DNM1L: variants seen among roughly 807,000 people sequenced by gnomAD.
DNM1L encodes the protein dynamin 1L, also known as dynamin-1-like protein.
In DNM1L, 33 loss-of-function variants were observed where a neutral mutation model predicts 92.8. The ratio of observed to expected loss-of-function variants is 0.36; its 90% CI spans 0.27 to 0.48. The LOEUF (loss-of-function observed/expected upper bound fraction) is 0.48, where lower values mean the gene tolerates loss of function less well. Among genes scored for constraint, DNM1L ranks in the 20% least tolerant of loss-of-function variants. The pLI is 0.99. For missense variants in DNM1L, 485 were observed against 888.8 expected (o/e 0.55, Z 5.78); for synonymous variants, 284 against 305.0 (o/e 0.93, Z 0.72).
intron 6 of DNM1L, among the ~76,000 whole-genome samples, chr12:32,717,406 A>AATATATATTTTAAATATATACT (rs1236381319): frequency 3.2e-4 from 23 of 71,572 alleles, no homozygotes; most frequent in Non-Finnish European, 4.8e-4. Context: ...TATAATATAT[A>AATATATATTTTAAATATATACT]ATATATATTT....
chr12:32,737,229 C>T (rs373389529), intron 14 of DNM1L, 68 bp downstream of exon 14: 1 of 1,526,552 alleles, frequency 6.6e-7, no homozygotes. Flanking sequence ...GAATATTACT[C>T]AGTCCTAGGA....
At position 32,731,799 on chromosome 12, in the gene DNM1L, G is replaced by T; in HGVS notation, c.1357-55G>T. 1.6e-6 allele frequency: 2 copies of T among 1,289,508 alleles called. No individual in the cohort carries two copies. The highest frequency in any genetic ancestry group is 2.5e-5 in the South Asian group (2 of 81,004). 79.9% of individuals were successfully genotyped at this position (1,289,508 alleles called of 1,614,324 possible). A position where few individuals can be genotyped will look rare whatever the true frequency, so the allele number is the denominator to read the frequency against. ...TGGGAGGATGGCTTAGTGAGACTAT[G>T]ACTTAAAAAAAAAACAAAAAACAAA... On this transcript the variant is annotated intron_variant, in intron 11 of 19. Transcript: ENST00000549701. The surrounding 1 kb of genome is among the most constrained non-coding windows in gnomAD (Gnocchi z 5.1).
At chr12:32,740,964 T>C (rs1219752888) in intron 18 of DNM1L, among the ~76,000 whole-genome samples, 2 of 152,344 alleles carry the variant, frequency 1.3e-5, no homozygotes, top group East Asian at 3.9e-4. Context: ...TACTGCATCT[T>C]CTCCTTCATG....
intron 4 of DNM1L, among the ~76,000 whole-genome samples, chr12:32,710,178 C>T (rs1953072481): frequency 6.6e-6 from 1 of 152,160 alleles, no homozygotes; most frequent in South Asian, 2.1e-4. Flanking sequence ...ATACACGTTA[C>T]CTCTCACTAT....
intron 1 of DNM1L, among the ~76,000 whole-genome samples, chr12:32,683,374 A>T (rs1041687019): frequency 6.7e-6 from 1 of 149,686 alleles, no homozygotes. Context: ...ACAGGCACGC[A>T]TCTGGCTAAT....
intron 7 of DNM1L, among the ~76,000 whole-genome samples, 189 bp downstream of exon 7, chr12:32,718,952 G>T (rs983363538): frequency 1.8e-4 from 26 of 146,628 alleles, no homozygotes; most frequent in African/African-American, 3.9e-4. Context: ...AAAAGAGAGA[G>T]AATTTTTTTT....
In DNM1L at chr12:32,740,414, T is replaced by C. The variant is rs1296829920; in HGVS notation, c.1890T>C (p.Val630=). 1.2e-6 allele frequency: 2 copies of C among 1,613,818 alleles called. No individual in the cohort carries two copies. The highest frequency in any genetic ancestry group is 2.7e-5 in the African/African-American group (2 of 74,936). The change falls in exon 18 of 20, where the codon GTT becomes GTC. Residue 630 remains valine (V), a synonymous_variant. Coordinates refer to ENST00000549701, the MANE Select transcript of DNM1L (RefSeq NM_012062.5). Reference sequence around the variant, plus strand: ...TCCCCCTCATCCCTATTTAGCCAGTTCCTGTTGCACGAAAACTATCTGCTC... The same window carrying C: ...TCCCCCTCATCCCTATTTAGCCAGTCCCTGTTGCACGAAAACTATCTGCTC... ...GHAVNLLDVP[V]PVARKLSARE... is the part of the protein sequence containing the mutation.
At chr12:32,712,567 T>C (rs1288810395) in intron 5 of DNM1L, among the ~76,000 whole-genome samples, 1 of 147,952 alleles carries the variant, frequency 6.8e-6, no homozygotes, top group Non-Finnish European at 1.5e-5. Flanking sequence ...GGAGGATCAT[T>C]TGAGCCCAGG....
At chr12:32,715,997 TA>T (rs1180365772) in intron 6 of DNM1L, among the ~76,000 whole-genome samples, 2 of 152,190 alleles carry the variant, frequency 1.3e-5, no homozygotes, top group Non-Finnish European at 2.9e-5. Flanking sequence ...ACAACTCACA[TA>T]TTCCTCAGAT....
intron 18 of DNM1L, among the ~76,000 whole-genome samples, chr12:32,741,487 G>A (rs1955287557): frequency 6.6e-6 from 1 of 152,178 alleles, no homozygotes; most frequent in Non-Finnish European, 1.5e-5. Flanking sequence ...GTTTCACCAT[G>A]TTGGCCAGGC....
chr12:32,679,316 A>G lies in DNM1L; in HGVS notation c.-48A>G, dbSNP rs374414603. On this transcript the variant is annotated 5_prime_UTR_variant, in exon 1 of 20. Transcript: ENST00000549701. ...GAGGCGAACTGTGGGCCCCGGCCCC[A>G]TTCATTGCCGTGGCCGGCGGGCACT... 18 of 1,332,478 alleles carry G rather than the reference A, an allele frequency of 1.4e-5. No homozygotes were observed. In the African/African-American group the frequency reaches 1.6e-4, roughly 12 times the overall value. The allele number at this position is 1,332,478 out of a possible 1,614,324, so 82.5% of individuals were successfully genotyped here. A position where few individuals can be genotyped will look rare whatever the true frequency, so the allele number is the denominator to read the frequency against.
intron 5 of DNM1L, among the ~76,000 whole-genome samples, 180 bp from the exon 6 acceptor site, chr12:32,713,029 C>T (rs1405515530): frequency 2.0e-5 from 3 of 152,186 alleles, no homozygotes; most frequent in Admixed American, 1.3e-4. Context: ...GCAAGAGTTA[C>T]ACTTTGAGAC....
chr12:32,736,843 G>A (rs1186619693), intron 13 of DNM1L: 1 of 435,772 alleles, frequency 2.3e-6, no homozygotes, highest in African/African-American at 2.0e-5. Context: ...CCCCTCATTT[G>A]AGAATCCCCA....
At chr12:32,679,765 A>G (rs1354227601) in intron 1 of DNM1L, 2 of 1,082,652 alleles carry the variant, frequency 1.8e-6, no homozygotes, top group African/African-American at 3.3e-5. Flanking sequence ...CGGCGGGCGG[A>G]ACTGGAGTCC....
At chr12:32,738,024 A>G (rs1592682094) in intron 15 of DNM1L, 82 bp downstream of exon 15, 1 of 1,440,548 alleles carries the variant, frequency 6.9e-7, no homozygotes, top group East Asian at 2.3e-5. Context: ...CACTGAATAG[A>G]AGAATATTAA....
intron 6 of DNM1L, among the ~76,000 whole-genome samples, chr12:32,718,078 T>C (rs2137419936): frequency 7.3e-6 from 1 of 136,550 alleles, no homozygotes; most frequent in Non-Finnish European, 1.5e-5. Flanking sequence ...ATATATACTA[T>C]ACATATTTTA....
chr12:32,722,589 T>C lies in DNM1L; in HGVS notation c.1035T>C (p.Cys345=), dbSNP rs1381184058. Residue 345 remains cysteine, a synonymous_variant, in exon 9 of 20, where the codon TGT becomes TGC. Coordinates refer to ENST00000549701, the MANE Select transcript of DNM1L (RefSeq NM_012062.5). ...QLITKFATEY[C]NTIEGTAKYI... ...TTACCAAATTTGCCACAGAATATTG[T>C]AACACTATTGAAGGAACTGCAAAAT... 6.2e-7 allele frequency: 1 copy of C among 1,613,152 alleles called. No individual in the cohort carries two copies. Among genetic ancestry groups the C allele is most frequent in the South Asian group, 1.1e-5 (1 of 91,052 alleles).
chr12:32,738,363 A>G, intron 16 of DNM1L, 67 bp downstream of exon 16: 1 of 1,544,108 alleles, frequency 6.5e-7, no homozygotes, highest in African/African-American at 1.4e-5. Flanking sequence ...TGTCTATACC[A>G]CCATTAAAGA....
rs915515186 is a variant in DNM1L at position 32,679,330 on chromosome 12, C to T, written c.-34C>T. On this transcript the variant is annotated 5_prime_UTR_variant, in exon 1 of 20. Transcript: ENST00000549701. The stretch of plus-strand genomic sequence containing the variant: ...GCCCCGGCCCCATTCATTGCCGTGG[C>T]CGGCGGGCACTGGGGCCCCGTGTTT... 1.4e-6 allele frequency: 2 copies of T among 1,466,444 alleles called. No individual in the cohort carries two copies. Among genetic ancestry groups the T allele is most frequent in the Non-Finnish European group, 1.9e-6 (2 of 1,049,408 alleles). 90.8% of individuals were successfully genotyped at this position (1,466,444 alleles called of 1,614,324 possible).
Sources: allele counts gnomAD v4.1 joint callset (sites outside exome capture counted in the v4.1 genomes callset), GRCh38; gene constraint gnomAD v4.1.1; non-coding constraint Gnocchi (gnomAD v3.1); transcripts MANE v1.5; gene names NCBI Gene and HGNC (gene_info 2026-07-23, HGNC 2026-07-21).